CPED1: variants seen among roughly 807,000 people sequenced by gnomAD.
The protein encoded by CPED1 is cadherin like and PC-esterase domain containing 1.
Under a neutral mutation model 128.2 loss-of-function variants are expected in CPED1, and 114 were observed. The observed-to-expected ratio is 0.89, with a 90% confidence interval of 0.76 to 1.04. The LOEUF (loss-of-function observed/expected upper bound fraction) is 1.04. Among genes scored for constraint, CPED1 ranks in the 50% least tolerant of loss-of-function variants. The probability of loss-of-function intolerance (pLI) is 0.00; values close to 1 mark genes in which losing one functional copy is unlikely to be tolerated. For synonymous variants in CPED1, 462 were observed against 426.7 expected, an observed-to-expected ratio of 1.08 and a Z score of -1.02; for missense variants, 1,211 against 1,207.1, an observed-to-expected ratio of 1.00 and a Z score of -0.05.
chr7:121,243,448 A>C (rs1469358663), intron 17 of CPED1, among the ~76,000 whole-genome samples: 1 of 152,230 alleles, frequency 6.6e-6, no homozygotes, highest in Admixed American at 6.5e-5. Context: ...TCTTAAATGC[A>C]TAGAGAATAT....
chr7:121,035,862 A>G (rs909251481), intron 3 of CPED1, among the ~76,000 whole-genome samples: 3 of 151,634 alleles, frequency 2.0e-5, no homozygotes, highest in Non-Finnish European at 2.9e-5. Context: ...AAAAAAATAA[A>G]TAAAAAGGAG....
At position 121,172,865 on chromosome 7, in the gene CPED1, G is replaced by A. The variant is rs191561780; in HGVS notation, c.2055+30724G>A. Reference sequence around the variant, plus strand: ...ACAGAGCCAACTGGTTATGAAGAAGGCTTAGAAGAATAAGACAGATTTTGT... The same window carrying A: ...ACAGAGCCAACTGGTTATGAAGAAGACTTAGAAGAATAAGACAGATTTTGT... On this transcript the variant is annotated intron_variant, in intron 16 of 22. Coordinates refer to ENST00000310396, the MANE Select transcript of CPED1 (RefSeq NM_024913.5). Among the ~76,000 whole-genome samples, 3 of 152,156 alleles carry A rather than the reference G, an allele frequency of 2.0e-5. No homozygotes were observed. The East Asian group carries it at 5.8e-4, about 29-fold the overall frequency.
intron 17 of CPED1, among the ~76,000 whole-genome samples, chr7:121,239,847 T>C (rs186914256): frequency 4.6e-5 from 7 of 152,334 alleles, no homozygotes; most frequent in African/African-American, 1.7e-4. Flanking sequence ...ACAATTTCAT[T>C]CCTCAGAATG....
At chr7:121,033,050 CAT>C (rs1792777889) in intron 3 of CPED1, among the ~76,000 whole-genome samples, 1 of 152,204 alleles carries the variant, frequency 6.6e-6, no homozygotes, top group African/African-American at 2.4e-5. Context: ...CTTCCTCCAT[CAT>C]ATTTCAGGGC....
chr7:121,156,009 A>T (rs994407241), intron 16 of CPED1, among the ~76,000 whole-genome samples: 1 of 152,242 alleles, frequency 6.6e-6, no homozygotes. Flanking sequence ...ATAGCAAAAA[A>T]ATAAATCTGA....
chr7:121,011,288 T>G (rs1033905840), intron 2 of CPED1, among the ~76,000 whole-genome samples: 1 of 152,194 alleles, frequency 6.6e-6, no homozygotes, highest in African/African-American at 2.4e-5. Context: ...TAAGTCTTAG[T>G]AAAGATTTTT....
At chr7:121,280,307 G>A (rs1323314700) in intron 22 of CPED1, among the ~76,000 whole-genome samples, 1 of 152,132 alleles carries the variant, frequency 6.6e-6, no homozygotes, top group Non-Finnish European at 1.5e-5. Flanking sequence ...AGTGTCTGGG[G>A]AACTGCATGA....
At chr7:121,172,536 A>G (rs2116471883) in intron 16 of CPED1, among the ~76,000 whole-genome samples, 1 of 152,226 alleles carries the variant, frequency 6.6e-6, no homozygotes, top group Non-Finnish European at 1.5e-5. Context: ...AAAACTTTAT[A>G]TGTTTTCATT....
At chr7:120,996,465 C>T (rs1274050997) in intron 2 of CPED1, among the ~76,000 whole-genome samples, 1 of 152,032 alleles carries the variant, frequency 6.6e-6, no homozygotes, top group Non-Finnish European at 1.5e-5. Flanking sequence ...TATTCAGAAA[C>T]ATTAGTCTCA....
At chr7:121,155,999 A>T (rs1165852618) in intron 16 of CPED1, among the ~76,000 whole-genome samples, 1 of 152,216 alleles carries the variant, frequency 6.6e-6, no homozygotes, top group Admixed American at 6.5e-5. Context: ...AAACAACTCA[A>T]TAGCAAAAAA....
intron 11 of CPED1, among the ~76,000 whole-genome samples, chr7:121,128,957 C>T (rs1191439483): frequency 6.6e-6 from 1 of 151,770 alleles, no homozygotes; most frequent in Non-Finnish European, 1.5e-5. Flanking sequence ...TATCAAACTT[C>T]AAAGAAAGAA....
At chr7:121,083,500 T>C (rs1391389289) in intron 5 of CPED1, among the ~76,000 whole-genome samples, 1 of 152,192 alleles carries the variant, frequency 6.6e-6, no homozygotes, top group Non-Finnish European at 1.5e-5. Flanking sequence ...AATTAATGAA[T>C]GCAAGTAGAG....
intron 3 of CPED1, among the ~76,000 whole-genome samples, chr7:121,024,895 G>T (rs1792536352): frequency 1.3e-5 from 2 of 152,242 alleles, no homozygotes; most frequent in South Asian, 4.1e-4. Context: ...TAACTAAAAA[G>T]GGAGTTTGGA....
In CPED1 at chr7:121,271,382, G is replaced by T; in HGVS notation, c.2820G>T (p.Gly940=). The change falls in exon 22 of 23, where the codon GGG becomes GGT. Residue 940 remains glycine (G), a synonymous_variant. Transcript: ENST00000310396. ...EVVDTFTITM[G]RYKEFLQGKC... ...TTGACACATTCACTATAACAATGGGGCGTTACAAAGAGTTTCTACAGGGGA... is the reference window on the plus strand; with the variant it reads ...TTGACACATTCACTATAACAATGGGTCGTTACAAAGAGTTTCTACAGGGGA... 4 of 1,612,848 alleles carry T rather than the reference G, an allele frequency of 2.5e-6. No homozygotes were observed. The highest frequency in any genetic ancestry group is 3.4e-6 in the Non-Finnish European group (4 of 1,179,162).
intron 3 of CPED1, 62 bp from the exon 4 acceptor site, chr7:121,046,825 A>T: frequency 9.2e-7 from 1 of 1,082,596 alleles, no homozygotes; most frequent in Non-Finnish European, 1.4e-6. Context: ...CTGAAGAATT[A>T]AATATTGCTT....
intron 4 of CPED1, among the ~76,000 whole-genome samples, chr7:121,053,855 T>C (rs1415976779): frequency 2.0e-5 from 3 of 152,236 alleles, no homozygotes; most frequent in Non-Finnish European, 2.9e-5. Context: ...TATAAATCAG[T>C]ACTATTGTTA....
intron 3 of CPED1, among the ~76,000 whole-genome samples, chr7:121,016,716 C>A (rs1203313142): frequency 1.3e-5 from 2 of 152,204 alleles, no homozygotes; most frequent in South Asian, 4.1e-4. Flanking sequence ...AGTCCATAAT[C>A]CTGCACTTAC....
At position 120,989,590 on chromosome 7, in the gene CPED1, G is replaced by T; in HGVS notation, c.-32G>T. 1.9e-6 allele frequency: 3 copies of T among 1,605,324 alleles called. No individual in the cohort carries two copies. Among genetic ancestry groups the T allele is most frequent in the Non-Finnish European group, 2.6e-6 (3 of 1,176,162 alleles). Reference sequence around the variant, plus strand: ...TAGCTGCTATGACTTTTCCCGCAACGTGGACAGGGGCCAAGTGAAGCTGAA... The same window carrying T: ...TAGCTGCTATGACTTTTCCCGCAACTTGGACAGGGGCCAAGTGAAGCTGAA... On this transcript the variant is annotated 5_prime_UTR_variant, in exon 2 of 23. Coordinates refer to ENST00000310396, the MANE Select transcript of CPED1 (RefSeq NM_024913.5).
chr7:121,203,103 C>G (rs528179840), intron 16 of CPED1, among the ~76,000 whole-genome samples: 1 of 152,214 alleles, frequency 6.6e-6, no homozygotes, highest in African/African-American at 2.4e-5. Context: ...TACATCCTTT[C>G]CAAATCTTTT....
Sources: allele counts gnomAD v4.1 joint callset (sites outside exome capture counted in the v4.1 genomes callset), GRCh38; gene constraint gnomAD v4.1.1; transcripts MANE v1.5; gene names NCBI Gene and HGNC (gene_info 2026-07-23, HGNC 2026-07-21).